Variants in HSPA14 observed in about 807,000 individuals in gnomAD.
The protein encoded by HSPA14 is heat shock 70 kDa protein 14.
Under a neutral mutation model 65.5 loss-of-function variants are expected in HSPA14, and 37 were observed. The observed-to-expected ratio is 0.56, with a 90% CI of 0.43 to 0.74. The LOEUF is 0.74. Ranked by LOEUF, HSPA14 falls within the 30% of genes least tolerant of loss-of-function variation. The probability of loss-of-function intolerance (pLI) is 0.00; values close to 1 mark genes in which losing one functional copy is unlikely to be tolerated. For synonymous variants in HSPA14, 203 were observed against 214.2 expected (o/e 0.95, Z 0.46); for missense variants, 564 against 607.6 (o/e 0.93, Z 0.75).
intron 12 of HSPA14, among the ~76,000 whole-genome samples, chr10:14,869,204 G>C (rs1358339859): frequency 6.6e-6 from 1 of 151,384 alleles, no homozygotes; most frequent in Non-Finnish European, 1.5e-5. Context: ...GTGTTTATTA[G>C]TGATGAGATA....
rs1832813809 is a variant in HSPA14, at chr10:14,867,132, T to C, written c.1043T>C (p.Ile348Thr). The C allele has an allele frequency of 1.9e-6, 3 of 1,613,732 alleles. No individual in the cohort carries two copies. Among genetic ancestry groups the C allele is most frequent in the Admixed American group, 3.3e-5 (2 of 59,998 alleles). The change falls in exon 11 of 14, where the codon ATT becomes ACT. Residue 348 changes from isoleucine to threonine, a missense_variant. Ile to Thr is a moderately conservative substitution (Grantham distance 89). Coordinates refer to ENST00000378372, the MANE Select transcript of HSPA14 (RefSeq NM_016299.4). ...SSRIPKLQQLIKDLFPAVELL... is the reference protein window; with the variant it reads ...SSRIPKLQQLTKDLFPAVELL... ...CGAATCCCAAAGCTACAGCAACTGA[T>C]TAAAGATCTTTTCCCAGCTGTTGAG...
At chr10:14,869,446 A>G (rs1436901552) in intron 12 of HSPA14, among the ~76,000 whole-genome samples, 1 of 151,722 alleles carries the variant, frequency 6.6e-6, no homozygotes, top group African/African-American at 2.4e-5. Context: ...ACAGGCATGC[A>G]CCACCACACC....
intron 3 of HSPA14, chr10:14,846,562 C>T (rs1193595465): frequency 1.0e-6 from 1 of 984,196 alleles, no homozygotes. Flanking sequence ...ATGTGGTAGA[C>T]CCAACCATTA....
intron 3 of HSPA14, among the ~76,000 whole-genome samples, chr10:14,843,045 TTA>T (rs1833995308): frequency 6.6e-6 from 1 of 152,232 alleles, no homozygotes; most frequent in African/African-American, 2.4e-5. Context: ...ACATAAGGTA[TTA>T]GAACCCTTTA....
At chr10:14,838,912 G>C (rs191322145) in intron 1 of HSPA14, among the ~76,000 whole-genome samples, 2 of 152,300 alleles carry the variant, frequency 1.3e-5, no homozygotes, top group African/African-American at 4.8e-5. Context: ...GATTCCCGCG[G>C]GTGGGAGGTC....
At chr10:14,849,010 A>G (rs1834087498) in intron 5 of HSPA14, 115 bp downstream of exon 5, 2 of 597,878 alleles carry the variant, frequency 3.3e-6, no homozygotes, top group Non-Finnish European at 5.9e-6. Flanking sequence ...TTGCACAGAT[A>G]AGTAAGGACA....
chr10:14,846,213 T>C (rs1009701359), intron 3 of HSPA14: 1 of 985,292 alleles, frequency 1.0e-6, no homozygotes, highest in Non-Finnish European at 1.2e-6. Context: ...TGGAAAGATA[T>C]GTGTCAATTA....
chr10:14,840,162 G>A lies in HSPA14; in HGVS notation c.221+5G>A. The A allele has an allele frequency of 7.5e-7, 1 of 1,325,240 alleles. No individual in the cohort carries two copies. Among genetic ancestry groups the A allele is most frequent in the African/African-American group, 1.5e-5 (1 of 67,732 alleles). 82.1% of individuals were successfully genotyped at this position (1,325,240 alleles called of 1,614,324 possible). On this transcript the variant is annotated splice_donor_5th_base_variant and intron_variant, in intron 3 of 13. Coordinates refer to ENST00000378372, the MANE Select transcript of HSPA14 (RefSeq NM_016299.4). ...AAAGCAGATCCTGGGCAGAAGGTAT[G>A]GAATCAAATGATACTTTTAAATATG...
intron 10 of HSPA14, among the ~76,000 whole-genome samples, chr10:14,864,117 C>A (rs1463239843): frequency 6.6e-6 from 1 of 151,446 alleles, no homozygotes; most frequent in East Asian, 1.9e-4. Flanking sequence ...ACTCGGGAGA[C>A]TGAAGCAGGA....
At chr10:14,847,688 A>G (rs968208493) in intron 3 of HSPA14, among the ~76,000 whole-genome samples, 1 of 152,206 alleles carries the variant, frequency 6.6e-6, no homozygotes, top group Non-Finnish European at 1.5e-5. Flanking sequence ...CCCTTCAGCA[A>G]TTAGCCACTA....
Position 14,842,826 on chromosome 10 carries a change from G to T in HSPA14, c.221+2669G>T. ...GAAACCAGTGACCTTGAGGACTCCT[G>T]GGATGAATCCTCGGGTGCAGGTAAC... On this transcript the variant is annotated intron_variant, in intron 3 of 13. Transcript: ENST00000378372. The surrounding 1 kb of genome is among the most constrained non-coding windows in gnomAD (Gnocchi z 5.2). The T allele has an allele frequency of 6.5e-7, 1 of 1,534,392 alleles. No homozygotes were observed. Among genetic ancestry groups the T allele is most frequent in the South Asian group, 1.2e-5 (1 of 83,930 alleles).
At chr10:14,865,562 A>C (rs1832799578) in intron 10 of HSPA14, among the ~76,000 whole-genome samples, 1 of 152,150 alleles carries the variant, frequency 6.6e-6, no homozygotes, top group Admixed American at 6.5e-5. Flanking sequence ...TTTTCCCAGC[A>C]CCATTTGTTA....
chr10:14,862,872 TG>T (rs1422741008), intron 10 of HSPA14, among the ~76,000 whole-genome samples: 1 of 151,326 alleles, frequency 6.6e-6, no homozygotes, highest in Non-Finnish European at 1.5e-5. Context: ...TTTGTGAAGA[TG>T]GAGTTTCACC....
At chr10:14,867,977 T>C (rs1280672532) in intron 12 of HSPA14, 68 bp downstream of exon 12, 51 of 1,260,212 alleles carry the variant, frequency 4.0e-5, no homozygotes, top group Non-Finnish European at 5.3e-5. Context: ...CAGTTTAATA[T>C]CTTAATACAA....
chr10:14,869,047 C>T (rs546713507), intron 12 of HSPA14, among the ~76,000 whole-genome samples: 101 of 151,940 alleles, frequency 6.6e-4, no homozygotes, highest in African/African-American at 2.3e-3. Flanking sequence ...AGGGTTTCAC[C>T]GTGTTAGCCA....
Position 14,871,527 on chromosome 10 carries a change from G to T in HSPA14, c.1452-1G>T. The T allele has an allele frequency of 6.4e-7, 1 of 1,568,518 alleles. No homozygotes were observed. The highest frequency in any genetic ancestry group is 1.1e-5 in the South Asian group (1 of 87,502). ...TGTTCTTTATTTTTTTGTCTGTTTA[G>T]GGATGGATCTTTACATGTGACATGC... is the stretch of plus-strand genomic sequence containing the variant. On this transcript the variant is annotated splice_acceptor_variant, in intron 13 of 13. Coordinates refer to ENST00000378372, the MANE Select transcript of HSPA14 (RefSeq NM_016299.4). LOFTEE classifies it high-confidence loss of function.
In HSPA14 at chr10:14,852,380, G is replaced by T. The variant is rs759232023; in HGVS notation, c.583G>T (p.Val195Leu). The T allele has an allele frequency of 2.5e-6, 4 of 1,612,238 alleles. No homozygotes were observed. The African/African-American group carries it at 4.0e-5, about 16-fold the overall frequency. Residue 195 changes from valine (V) to leucine (L), a missense_variant, in exon 8 of 14, where the codon GTG (valine) becomes TTG (leucine). Transcript: ENST00000378372. ...DSPTGKSNIL[V>L]FKLGGTSLSL... ...TATCTTCTCTTGAAGCAATATTTTG[G>T]TGTTTAAGCTTGGAGGAACATCCTT... is the stretch of plus-strand genomic sequence containing the variant.
rs1834106926 is a variant in HSPA14 at position 14,851,274 on chromosome 10, G to A, written c.523G>A (p.Ala175Thr). ...TTTGCGATTAATTCACGAACCGTCT[G>A]CAGCTCTTCTTGCTTATGGAATTGG... ...NVLRLIHEPS[A>T]ALLAYGIGQD... Residue 175 changes from alanine (A) to threonine (T), a missense_variant, in exon 7 of 14, where the codon GCA becomes ACA. Transcript: ENST00000378372. 6.2e-7 allele frequency: 1 copy of A among 1,612,958 alleles called. No homozygotes were observed. Among genetic ancestry groups the A allele is most frequent in the Non-Finnish European group, 8.5e-7 (1 of 1,179,142 alleles).
intron 10 of HSPA14, among the ~76,000 whole-genome samples, chr10:14,860,091 G>A (rs921548533): frequency 6.6e-6 from 1 of 152,100 alleles, no homozygotes; most frequent in African/African-American, 2.4e-5. Context: ...TATTGCTCTT[G>A]TGAATGAGAT....
Sources: allele counts gnomAD v4.1 joint callset (sites outside exome capture counted in the v4.1 genomes callset), GRCh38; gene constraint gnomAD v4.1.1; non-coding constraint Gnocchi (gnomAD v3.1); transcripts MANE v1.5; gene names NCBI Gene and HGNC (gene_info 2026-07-23, HGNC 2026-07-21).